PTPRD: variants seen among roughly 807,000 people sequenced by gnomAD.
PTPRD encodes receptor-type tyrosine-protein phosphatase delta.
PTPRD carries 34 observed loss-of-function variants against 214.5 expected under a neutral mutation model. The observed-to-expected ratio is 0.16, with a 90% CI of 0.12 to 0.21. The LOEUF is 0.21. Ranked by LOEUF, PTPRD falls within the 10% of genes least tolerant of loss-of-function variation. PTPRD has a pLI of 1.00. For missense variants in PTPRD, 2,545 were observed against 2,398.7 expected (o/e 1.06, Z -1.27); for synonymous variants, 1,128 against 845.7 (o/e 1.33, Z -5.79).
intron 14 of PTPRD, among the ~76,000 whole-genome samples, chr9:8,557,434 A>ATATATAT (rs2084237934): frequency 8.7e-6 from 1 of 114,780 alleles, no homozygotes; most frequent in African/African-American, 6.5e-5. Context: ...ATTTGTAAAT[A>ATATATAT]CATATATATA....
intron 2 of PTPRD, among the ~76,000 whole-genome samples, chr9:10,393,014 T>C (rs539866431): frequency 6.6e-6 from 1 of 151,860 alleles, no homozygotes; most frequent in African/African-American, 2.4e-5. Flanking sequence ...GGACTTTCCA[T>C]TGTGAGCCAT....
chr9:10,536,476 G>A (rs975424215), intron 2 of PTPRD, among the ~76,000 whole-genome samples: 4 of 151,952 alleles, frequency 2.6e-5, no homozygotes, highest in Admixed American at 2.0e-4. Flanking sequence ...TTATTTTCAT[G>A]TTTATGAGAA....
At position 8,474,805 on chromosome 9, in the gene PTPRD, A is replaced by T. The variant is rs531832561; in HGVS notation, c.3414-3720T>A. The stretch of plus-strand genomic sequence containing the variant: ...TCTACCAAAGTACAAGTCTATCTAG[A>T]TCTGTAAACAAACCACACATTTTCT... On this transcript the variant is annotated intron_variant, in intron 30 of 45. Transcript: ENST00000381196. Among the ~76,000 whole-genome samples the T allele has an allele frequency of 2.0e-5, 3 of 152,294 alleles. No individual in the cohort carries two copies. The East Asian group carries it at 5.8e-4, about 29-fold the overall frequency.
chr9:10,520,987 A>G (rs1356676516), intron 2 of PTPRD, among the ~76,000 whole-genome samples: 1 of 151,798 alleles, frequency 6.6e-6, no homozygotes, highest in Non-Finnish European at 1.5e-5. Context: ...CACAACATGT[A>G]GCCTATGGAT....
chr9:10,238,534 TA>T (rs1162125360), intron 3 of PTPRD, among the ~76,000 whole-genome samples: 1 of 151,888 alleles, frequency 6.6e-6, no homozygotes. Context: ...ATAAAACACT[TA>T]AAATTTAAAG....
intron 11 of PTPRD, among the ~76,000 whole-genome samples, chr9:8,929,250 C>A (rs928806061): frequency 6.6e-6 from 1 of 152,102 alleles, no homozygotes; most frequent in Non-Finnish European, 1.5e-5. Flanking sequence ...TGAGGGAGGG[C>A]ATCCTTGTCT....
At chr9:8,718,153 T>C (rs1248698424) in intron 12 of PTPRD, among the ~76,000 whole-genome samples, 1 of 152,196 alleles carries the variant, frequency 6.6e-6, no homozygotes, top group Admixed American at 6.5e-5. Context: ...AAAGCACTTT[T>C]TGGGCTAGCA....
chr9:10,464,797 T>TA (rs1160577956), intron 2 of PTPRD, among the ~76,000 whole-genome samples: 3 of 152,090 alleles, frequency 2.0e-5, no homozygotes, highest in Non-Finnish European at 4.4e-5. Flanking sequence ...GTCAGTAGGC[T>TA]AAAAACATTA....
intron 3 of PTPRD, among the ~76,000 whole-genome samples, chr9:10,308,105 T>C (rs76325411): frequency 0.045 from 6,863 of 152,066 alleles, 508 homozygotes; most frequent in African/African-American, 0.16. Context: ...TTATATTGCC[T>C]GTACTTTTCA....
intron 11 of PTPRD, among the ~76,000 whole-genome samples, chr9:8,755,133 A>C (rs1360350438): frequency 6.6e-6 from 1 of 152,018 alleles, no homozygotes; most frequent in Non-Finnish European, 1.5e-5. Flanking sequence ...AACTCCTTTG[A>C]AAAACTGTTT....
intron 2 of PTPRD, among the ~76,000 whole-genome samples, chr9:10,609,543 T>TTCTGCTAAA (rs1416553285): frequency 1.3e-4 from 20 of 152,154 alleles, no homozygotes; most frequent in Non-Finnish European, 1.5e-5. Context: ...AATTCTTGGA[T>TTCTGCTAAA]ATAACTAGCA....
At chr9:8,737,807 C>T (rs868265452) in intron 11 of PTPRD, among the ~76,000 whole-genome samples, 56 of 152,224 alleles carry the variant, frequency 3.7e-4, no homozygotes, top group African/African-American at 1.2e-3. Flanking sequence ...TGCGCCACCA[C>T]GCCTGGCTAA....
At chr9:8,726,812 A>G (rs2098582645) in intron 12 of PTPRD, among the ~76,000 whole-genome samples, 1 of 147,726 alleles carries the variant, frequency 6.8e-6, no homozygotes, top group East Asian at 2.0e-4. Flanking sequence ...AGAAAAAAAA[A>G]AAAAAAAGAT....
chr9:8,934,393 A>ATGTG (rs756848411), intron 11 of PTPRD, among the ~76,000 whole-genome samples: 2,639 of 48,028 alleles, frequency 0.055, 118 homozygotes, highest in Non-Finnish European at 0.086. Flanking sequence ...AATACTAATT[A>ATGTG]TGTGTGTGTG....
chr9:9,778,459 A>G (rs561353786), intron 5 of PTPRD, among the ~76,000 whole-genome samples: 1 of 152,310 alleles, frequency 6.6e-6, no homozygotes, highest in African/African-American at 2.4e-5. Flanking sequence ...AAGTAGCCAT[A>G]GACGCCCATC....
chr9:8,853,965 T>C (rs1268343866), intron 11 of PTPRD, among the ~76,000 whole-genome samples: 1 of 152,190 alleles, frequency 6.6e-6, no homozygotes, highest in Non-Finnish European at 1.5e-5. Context: ...CACATGTAAC[T>C]ATTATCACTT....
intron 11 of PTPRD, among the ~76,000 whole-genome samples, chr9:8,767,987 T>C (rs2094893632): frequency 6.6e-6 from 1 of 152,188 alleles, no homozygotes; most frequent in Non-Finnish European, 1.5e-5. Flanking sequence ...ACAAATATAC[T>C]ACGGTAATTA....
chr9:9,873,703 A>G (rs555287019), intron 5 of PTPRD, among the ~76,000 whole-genome samples: 83 of 152,294 alleles, frequency 5.4e-4, no homozygotes, highest in Non-Finnish European at 9.0e-4. Flanking sequence ...AATGCTCCAA[A>G]CTGAGATAAT....
At chr9:8,685,182 G>A (rs1163781703) in intron 12 of PTPRD, among the ~76,000 whole-genome samples, 3 of 150,920 alleles carry the variant, frequency 2.0e-5, no homozygotes. Context: ...TGAAAACAAA[G>A]GCAAAAGATG....
Sources: allele counts gnomAD v4.1 joint callset (sites outside exome capture counted in the v4.1 genomes callset), GRCh38; gene constraint gnomAD v4.1.1; transcripts MANE v1.5; gene names NCBI Gene and HGNC (gene_info 2026-07-23, HGNC 2026-07-21).